The following NSUN3 variants were observed in gnomAD, a reference collection of about 807,000 sequenced individuals.
The protein encoded by NSUN3 is NOP2/Sun RNA methyltransferase 3.
A neutral mutation model predicts 36.8 loss-of-function variants in NSUN3; 24 were observed. The ratio of observed to expected loss-of-function variants is 0.65; its 90% CI spans 0.47 to 0.92. The LOEUF (loss-of-function observed/expected upper bound fraction) is 0.92, where lower values mean the gene tolerates loss of function less well. Ranked by LOEUF, NSUN3 falls within the 40% of genes least tolerant of loss-of-function variation. NSUN3 has a pLI of 0.00. For missense variants in NSUN3, 381 were observed against 392.8 expected (o/e 0.97, Z 0.25); for synonymous variants, 146 against 145.2 (o/e 1.01, Z -0.04).
chr3:94,126,595 G>A lies in NSUN3; in HGVS notation c.*105G>A, dbSNP rs1231320054. 6.8e-6 allele frequency: 7 copies of A among 1,022,704 alleles called. No individual in the cohort carries two copies. The highest frequency in any genetic ancestry group is 1.6e-5 in the African/African-American group (1 of 61,182). The allele number at this position is 1,022,704 out of a possible 1,614,324, so 63.4% of individuals were successfully genotyped here. ...GCAGTAACTTTCTCTGGGTCTGTTTGGAATCCTATTTAGTTAATACTTTAG... is the reference window on the plus strand; with the variant it reads ...GCAGTAACTTTCTCTGGGTCTGTTTAGAATCCTATTTAGTTAATACTTTAG... On this transcript the variant is annotated 3_prime_UTR_variant, in exon 6 of 6. Transcript: ENST00000314622.
chr3:94,067,882 C>T (rs2077211338), intron 2 of NSUN3, among the ~76,000 whole-genome samples: 1 of 152,060 alleles, frequency 6.6e-6, no homozygotes, highest in Non-Finnish European at 1.5e-5. Context: ...TTTCTCGGTG[C>T]TACCAAATTC....
At chr3:94,091,713 C>T (rs757676547) in intron 3 of NSUN3, among the ~76,000 whole-genome samples, 51 of 152,152 alleles carry the variant, frequency 3.4e-4, no homozygotes, top group Admixed American at 5.9e-4. Flanking sequence ...GAATGTAAAA[C>T]ATTTAAACTA....
Position 94,100,168 on chromosome 3 carries a change from T to C in NSUN3, c.743+5014T>C, listed in dbSNP as rs570744761. 2.6e-5 allele frequency among the ~76,000 whole-genome samples: 4 copies of C among 152,284 alleles called. No homozygotes were observed. The East Asian group carries it at 7.7e-4, about 29-fold the overall frequency. On this transcript the variant is annotated intron_variant, in intron 5 of 5. Coordinates refer to ENST00000314622, the MANE Select transcript of NSUN3 (RefSeq NM_022072.5). ...GAAGTGAGAAAAGGAGTGGAAAAGATAGTGAAGAGGTAAATAAGGGAAACT... is the reference window on the plus strand; with the variant it reads ...GAAGTGAGAAAAGGAGTGGAAAAGACAGTGAAGAGGTAAATAAGGGAAACT...
chr3:94,118,058 A>G (rs112656500), intron 5 of NSUN3, among the ~76,000 whole-genome samples: 7 of 152,348 alleles, frequency 4.6e-5, no homozygotes, highest in African/African-American at 1.7e-4. Context: ...AGTTAACAAT[A>G]ATTTATTGTA....
rs1316502808 is a variant in NSUN3, at chr3:94,130,179, G to A, written c.*3689G>A. ...GCCAAGGCTACACTGGTAAGTAAAG[G>A]GTTCAGCCAATGTATAGACAGACTG... On this transcript the variant is annotated 3_prime_UTR_variant, in exon 6 of 6. Transcript: ENST00000314622. Among the ~76,000 whole-genome samples the A allele has an allele frequency of 6.6e-6, 1 of 152,158 alleles. No individual in the cohort carries two copies. The highest frequency in any genetic ancestry group is 2.4e-5 in the African/African-American group (1 of 41,428).
At chr3:94,092,823 G>A (rs958223018) in intron 3 of NSUN3, among the ~76,000 whole-genome samples, 1 of 148,714 alleles carries the variant, frequency 6.7e-6, no homozygotes, top group South Asian at 2.1e-4. Flanking sequence ...GGGAGGCTGA[G>A]GCAGGAGAAT....
At chr3:94,118,350 A>G (rs1282760623) in intron 5 of NSUN3, among the ~76,000 whole-genome samples, 2 of 152,204 alleles carry the variant, frequency 1.3e-5, no homozygotes, top group Non-Finnish European at 2.9e-5. Context: ...TTAGGTTAGC[A>G]TTGTACTTAA....
At chr3:94,067,927 C>T (rs1027039767) in intron 2 of NSUN3, among the ~76,000 whole-genome samples, 1 of 151,932 alleles carries the variant, frequency 6.6e-6, no homozygotes, top group African/African-American at 2.4e-5. Flanking sequence ...ACCTTTGCTC[C>T]CCAGAAGTCT....
At chr3:94,063,922 C>G (rs980966039) in intron 1 of NSUN3, 7 of 154,736 alleles carry the variant, frequency 4.5e-5, no homozygotes, top group African/African-American at 1.2e-4. Context: ...GATCTCGGCT[C>G]ACTGCAACCT....
chr3:94,107,364 T>C (rs913538287), intron 5 of NSUN3, among the ~76,000 whole-genome samples: 6 of 152,154 alleles, frequency 3.9e-5, no homozygotes, highest in African/African-American at 1.4e-4. Flanking sequence ...GGTGTGATCA[T>C]GCCGCCTTGA....
chr3:94,069,435 T>C (rs1201311450), intron 2 of NSUN3, among the ~76,000 whole-genome samples: 1 of 152,228 alleles, frequency 6.6e-6, no homozygotes, highest in East Asian at 1.9e-4. Context: ...TGGATAATAA[T>C]AGCACTAAAT....
At chr3:94,102,050 A>G (rs541953173) in intron 5 of NSUN3, among the ~76,000 whole-genome samples, 3 of 152,200 alleles carry the variant, frequency 2.0e-5, no homozygotes, top group South Asian at 2.1e-4. Context: ...TTCTTTTCTC[A>G]CTACTTGACA....
At chr3:94,098,139 C>T (rs959531708) in intron 5 of NSUN3, among the ~76,000 whole-genome samples, 4 of 152,098 alleles carry the variant, frequency 2.6e-5, no homozygotes, top group Non-Finnish European at 5.9e-5. Flanking sequence ...TAGTAAATGC[C>T]ACGCCACCAT....
chr3:94,084,030 C>T (rs775652398), intron 2 of NSUN3, 77 bp from the exon 3 acceptor site: 3 of 1,054,264 alleles, frequency 2.8e-6, no homozygotes, highest in Non-Finnish European at 4.1e-6. Flanking sequence ...GGACCACATT[C>T]ACCTGATTCG....
At chr3:94,077,937 C>T (rs1271810059) in intron 2 of NSUN3, among the ~76,000 whole-genome samples, 1 of 152,120 alleles carries the variant, frequency 6.6e-6, no homozygotes, top group Non-Finnish European at 1.5e-5. Context: ...GTCTCTATCA[C>T]CTTCAGTTCT....
intron 2 of NSUN3, among the ~76,000 whole-genome samples, chr3:94,080,118 G>C (rs1190494561): frequency 6.6e-6 from 1 of 152,058 alleles, no homozygotes; most frequent in African/African-American, 2.4e-5. Flanking sequence ...GGGTCTTTGA[G>C]TGGATGTGCT....
intron 3 of NSUN3, among the ~76,000 whole-genome samples, chr3:94,092,637 C>T (rs1328929657): frequency 1.3e-5 from 2 of 151,908 alleles, no homozygotes; most frequent in Non-Finnish European, 2.9e-5. Flanking sequence ...GGCACGGTGG[C>T]TCATGTCTGT....
rs532037481 is a variant in NSUN3 at position 94,104,030 on chromosome 3, T to C, written c.743+8876T>C. On this transcript the variant is annotated intron_variant, in intron 5 of 5. Coordinates refer to ENST00000314622, the MANE Select transcript of NSUN3 (RefSeq NM_022072.5). ...TTGCTAAGAGGATAGTTCTTATTTA[T>C]GGCATGCTTTAAGCAGAATGTTCCT... Among the ~76,000 whole-genome samples the C allele has an allele frequency of 8.5e-5, 13 of 152,340 alleles. No individual in the cohort carries two copies. In the South Asian group the frequency reaches 2.7e-3, roughly 32 times the overall value.
chr3:94,096,197 C>A (rs2077338652), intron 5 of NSUN3, among the ~76,000 whole-genome samples: 1 of 152,118 alleles, frequency 6.6e-6, no homozygotes, highest in Non-Finnish European at 1.5e-5. Flanking sequence ...TAAACATATA[C>A]CATTACCTAA....
Sources: allele counts gnomAD v4.1 joint callset (sites outside exome capture counted in the v4.1 genomes callset), GRCh38; gene constraint gnomAD v4.1.1; transcripts MANE v1.5; gene names NCBI Gene and HGNC (gene_info 2026-07-23, HGNC 2026-07-21).